The following GRID2 variants were observed in gnomAD, a reference collection of about 807,000 sequenced individuals.
GRID2 encodes glutamate receptor ionotropic, delta-2.
Under a neutral mutation model 114.8 loss-of-function variants are expected in GRID2, and 33 were observed. That is an observed-to-expected ratio of 0.29 (90% CI 0.22 to 0.38). The LOEUF is 0.38. GRID2 is among the 10% of genes least tolerant of loss of function. The probability of loss-of-function intolerance (pLI) is 1.00; values close to 1 mark genes in which losing one functional copy is unlikely to be tolerated. For missense variants in GRID2, 1,184 were observed against 1,257.7 expected (o/e 0.94, Z 0.89); for synonymous variants, 505 against 449.9 (o/e 1.12, Z -1.55).
intron 13 of GRID2, among the ~76,000 whole-genome samples, chr4:93,579,594 A>G (rs1437341759): frequency 6.6e-6 from 1 of 152,124 alleles, no homozygotes; most frequent in African/African-American, 2.4e-5. Flanking sequence ...ATAGAGGGGT[A>G]GTTGGTGTTG....
At chr4:93,114,342 C>A (rs1733041660) in intron 4 of GRID2, among the ~76,000 whole-genome samples, 1 of 152,180 alleles carries the variant, frequency 6.6e-6, no homozygotes, top group Non-Finnish European at 1.5e-5. Context: ...AACTTCTCAC[C>A]TTGTCCCCCA....
chr4:93,189,554 T>A (rs1740768607), intron 4 of GRID2, among the ~76,000 whole-genome samples: 1 of 152,094 alleles, frequency 6.6e-6, no homozygotes, highest in Non-Finnish European at 1.5e-5. Flanking sequence ...GCAATAGCCA[T>A]CTAAACATTT....
At chr4:93,186,023 T>A (rs1740381956) in intron 4 of GRID2, among the ~76,000 whole-genome samples, 2 of 152,204 alleles carry the variant, frequency 1.3e-5, no homozygotes, top group Non-Finnish European at 2.9e-5. Context: ...TGTGATAGTT[T>A]GCTGAGAATG....
rs150096867 is a variant in GRID2 at position 93,092,189 on chromosome 4, C to T, written c.529+6910C>T. Among the ~76,000 whole-genome samples, 75 of 152,158 alleles carry T rather than the reference C, an allele frequency of 4.9e-4. 1 individual carries two copies. The East Asian group carries it at 0.012, about 25-fold the overall frequency. On this transcript the variant is annotated intron_variant, in intron 3 of 15. Transcript: ENST00000282020. ...TTGATGGTAGAGAGCGAGGAAGATA[C>T]GCTGAGTTCCTTGACTACCAGGCCA... is the stretch of plus-strand genomic sequence containing the variant.
At chr4:92,740,179 G>T (rs777982406) in intron 2 of GRID2, among the ~76,000 whole-genome samples, 35 of 152,132 alleles carry the variant, frequency 2.3e-4, no homozygotes, top group South Asian at 4.1e-4. Context: ...ACCTAGTAAG[G>T]CCAGCTCAAG....
chr4:92,526,875 A>C (rs76824904), intron 1 of GRID2, among the ~76,000 whole-genome samples: 1 of 152,080 alleles, frequency 6.6e-6, no homozygotes, highest in Non-Finnish European at 1.5e-5. Flanking sequence ...TTATCCCTGC[A>C]TAAGTTCATT....
At chr4:92,682,575 T>C (rs1733701691) in intron 2 of GRID2, among the ~76,000 whole-genome samples, 2 of 152,290 alleles carry the variant, frequency 1.3e-5, no homozygotes, top group Admixed American at 1.3e-4. Flanking sequence ...GGAAGATTGC[T>C]GTTTGTTATT....
intron 1 of GRID2, among the ~76,000 whole-genome samples, chr4:92,572,414 G>A (rs1002648520): frequency 1.3e-5 from 2 of 151,714 alleles, no homozygotes; most frequent in African/African-American, 4.9e-5. Flanking sequence ...ATCAAAAAAA[G>A]TCCAGGACCA....
chr4:93,589,208 C>G (rs1285838077), intron 13 of GRID2, among the ~76,000 whole-genome samples: 135 of 125,368 alleles, frequency 1.1e-3, no homozygotes, highest in African/African-American at 3.9e-3. Flanking sequence ...CCCCTCCCCC[C>G]ACCCCACAAC....
chr4:93,761,259 G>A (rs544636238), intron 14 of GRID2, among the ~76,000 whole-genome samples: 5 of 152,088 alleles, frequency 3.3e-5, no homozygotes, highest in African/African-American at 4.8e-5. Flanking sequence ...GTTCTAAAAC[G>A]GACTCATACT....
chr4:93,365,549 G>T (rs1762258653), intron 8 of GRID2, among the ~76,000 whole-genome samples: 1 of 152,088 alleles, frequency 6.6e-6, no homozygotes, highest in African/African-American at 2.4e-5. Flanking sequence ...AAAAATTATT[G>T]TCATCTCACC....
chr4:92,474,624 A>C (rs1043779594), intron 1 of GRID2, among the ~76,000 whole-genome samples: 39 of 152,078 alleles, frequency 2.6e-4, no homozygotes, highest in African/African-American at 8.2e-4. Context: ...TATCAATTAC[A>C]TTCTCACCAA....
intron 14 of GRID2, among the ~76,000 whole-genome samples, chr4:93,703,191 T>A (rs1727661573): frequency 6.6e-6 from 1 of 152,166 alleles, no homozygotes; most frequent in South Asian, 2.1e-4. Context: ...AATTGCTAGC[T>A]AATATTTTAA....
intron 2 of GRID2, among the ~76,000 whole-genome samples, chr4:92,923,655 T>C (rs1019901275): frequency 1.2e-4 from 19 of 152,194 alleles, no homozygotes; most frequent in Admixed American, 1.3e-4. Flanking sequence ...GGGGAGTAGA[T>C]ACATTATACA....
At chr4:92,446,558 T>C (rs902135465) in intron 1 of GRID2, among the ~76,000 whole-genome samples, 15 of 152,334 alleles carry the variant, frequency 9.8e-5, no homozygotes, top group African/African-American at 3.6e-4. Context: ...TAAAGTTCTC[T>C]GATATGGGAG....
At position 93,351,739 on chromosome 4, in the gene GRID2, T is replaced by A. The variant is rs58881651; in HGVS notation, c.1246-43868T>A. 2.3e-3 allele frequency among the ~76,000 whole-genome samples: 351 copies of A among 151,778 alleles called. 5 individuals are homozygous for A. Among genetic ancestry groups the A allele is most frequent in the African/African-American group, 6.0e-3 (248 of 41,476 alleles). Reference sequence around the variant, plus strand: ...TGTTATTATGTGAATATTTTATAGATAAAGAATGGGAGACTCAGAGAGTTT... The same window carrying A: ...TGTTATTATGTGAATATTTTATAGAAAAAGAATGGGAGACTCAGAGAGTTT... On this transcript the variant is annotated intron_variant, in intron 8 of 15. Coordinates refer to ENST00000282020, the MANE Select transcript of GRID2 (RefSeq NM_001510.4).
chr4:92,396,088 A>G (rs1730479353), intron 1 of GRID2, among the ~76,000 whole-genome samples: 1 of 151,922 alleles, frequency 6.6e-6, no homozygotes, highest in Non-Finnish European at 1.5e-5. Context: ...CTGATTTAAA[A>G]TAAAGTGATA....
intron 2 of GRID2, among the ~76,000 whole-genome samples, chr4:92,910,169 G>A (rs533543807): frequency 6.6e-6 from 1 of 151,546 alleles, no homozygotes; most frequent in South Asian, 2.1e-4. Context: ...GACCAGAATT[G>A]AGCAATAGGA....
chr4:92,524,868 A>G (rs1724970339), intron 1 of GRID2, among the ~76,000 whole-genome samples: 1 of 152,050 alleles, frequency 6.6e-6, no homozygotes, highest in African/African-American at 2.4e-5. Context: ...GTCAAGCTGA[A>G]TTTAGATACA....
Sources: allele counts gnomAD v4.1 joint callset (sites outside exome capture counted in the v4.1 genomes callset), GRCh38; gene constraint gnomAD v4.1.1; transcripts MANE v1.5; gene names NCBI Gene and HGNC (gene_info 2026-07-23, HGNC 2026-07-21).